MICU3: variants seen among roughly 807,000 people sequenced by gnomAD.
The protein encoded by MICU3 is calcium uptake protein 3, mitochondrial.
A neutral mutation model predicts 66.5 loss-of-function variants in MICU3; 62 were observed. That is an observed-to-expected ratio of 0.93 (90% CI 0.76 to 1.15). The LOEUF is 1.15. MICU3 is among the 50% of genes most tolerant of loss of function. The pLI, the probability that MICU3 is intolerant of heterozygous loss-of-function variation, is 0.00. For missense variants in MICU3, 779 were observed against 664.4 expected, an observed-to-expected ratio of 1.17 and a Z score of -1.90; for synonymous variants, 308 against 240.7, an observed-to-expected ratio of 1.28 and a Z score of -2.59.
At chr8:17,083,930 G>A (rs1356077177) in intron 5 of MICU3, among the ~76,000 whole-genome samples, 3 of 152,040 alleles carry the variant, frequency 2.0e-5, no homozygotes, top group Non-Finnish European at 4.4e-5. Flanking sequence ...TGTTGAGATG[G>A]GACAGGGTAT....
At chr8:17,068,009 G>C (rs1737192287) in intron 2 of MICU3, among the ~76,000 whole-genome samples, 1 of 152,000 alleles carries the variant, frequency 6.6e-6, no homozygotes, top group Non-Finnish European at 1.5e-5. Flanking sequence ...ACTAAAATCA[G>C]TAATTATTTT....
Position 17,054,647 on chromosome 8 carries a change from G to C in MICU3, c.382-9437G>C, listed in dbSNP as rs572110351. Among the ~76,000 whole-genome samples the C allele has an allele frequency of 3.0e-4, 45 of 151,942 alleles. 2 individuals carry two copies. The highest frequency in any genetic ancestry group is 1.0e-3 in the African/African-American group (43 of 41,482). ...TAATGTGGGTAGGTTTGTGGAGGCAGAGCAAAAACCATTTGTTTACCTTCA... is the reference window on the plus strand; with the variant it reads ...TAATGTGGGTAGGTTTGTGGAGGCACAGCAAAAACCATTTGTTTACCTTCA... On this transcript the variant is annotated intron_variant, in intron 1 of 14. Transcript: ENST00000318063.
chr8:17,101,928 A>G (rs1008373751), intron 9 of MICU3, among the ~76,000 whole-genome samples: 1 of 151,938 alleles, frequency 6.6e-6, no homozygotes, highest in African/African-American at 2.4e-5. Context: ...TTTACAGTAC[A>G]CTAGTCAGAG....
intron 1 of MICU3, among the ~76,000 whole-genome samples, chr8:17,044,057 G>A (rs904780187): frequency 6.6e-6 from 1 of 152,102 alleles, no homozygotes; most frequent in Non-Finnish European, 1.5e-5. Context: ...CATACTTAAG[G>A]TTCTTGCCTT....
At chr8:17,136,103 C>T in the MICU3 span, among the ~76,000 whole-genome samples, 1 of 152,020 alleles carries the variant, frequency 6.6e-6, no homozygotes, top group East Asian at 1.9e-4. Context: ...CAATCTCCAA[C>T]ACAACTCCTA....
At chr8:17,078,033 C>T (rs1326415909) in intron 4 of MICU3, among the ~76,000 whole-genome samples, 172 bp downstream of exon 4, 1 of 151,826 alleles carries the variant, frequency 6.6e-6, no homozygotes. Flanking sequence ...ATTAATGTTG[C>T]TCTTGGGTAA....
chr8:17,028,752 A>G (rs57869844), intron 1 of MICU3, among the ~76,000 whole-genome samples: 1 of 151,974 alleles, frequency 6.6e-6, no homozygotes, highest in South Asian at 2.1e-4. Context: ...ACACATGAAT[A>G]TTCAAAATAC....
intron 1 of MICU3, among the ~76,000 whole-genome samples, chr8:17,044,277 G>A (rs554812638): frequency 6.6e-6 from 1 of 152,296 alleles, no homozygotes; most frequent in African/African-American, 2.4e-5. Flanking sequence ...GGTAGTAGGA[G>A]GCTGTTGTTT....
At chr8:17,136,045 A>T in the MICU3 span, among the ~76,000 whole-genome samples, 1 of 152,132 alleles carries the variant, frequency 6.6e-6, no homozygotes, top group Non-Finnish European at 1.5e-5. Context: ...GTTATAGGAC[A>T]TAGTTGAGAT....
chr8:17,123,657 C>A (rs1232617686), downstream of MICU3, among the ~76,000 whole-genome samples: 1 of 152,000 alleles, frequency 6.6e-6, no homozygotes, highest in Non-Finnish European at 1.5e-5. Context: ...CACAGTTTTA[C>A]TTGTGGGACT....
rs559062762 is a variant in MICU3 at position 17,059,263 on chromosome 8, G to A, written c.382-4821G>A. ...TTTACGTTTCTATTCTGATGAAAAC[G>A]TGAAGAAACAAGAGGACCAAATGAT... is the stretch of plus-strand genomic sequence containing the variant. On this transcript the variant is annotated intron_variant, in intron 1 of 14. Transcript: ENST00000318063. Among the ~76,000 whole-genome samples, 16 of 152,210 alleles carry A rather than the reference G, an allele frequency of 1.1e-4. No homozygotes were observed. The South Asian group carries it at 2.9e-3, about 28-fold the overall frequency.
chr8:17,048,999 C>G (rs1028850393), intron 1 of MICU3, among the ~76,000 whole-genome samples: 3 of 152,246 alleles, frequency 2.0e-5, no homozygotes, highest in Middle Eastern at 6.8e-3. Context: ...TGCAAATAAA[C>G]AGTACACAGT....
intron 14 of MICU3, among the ~76,000 whole-genome samples, chr8:17,119,218 A>G (rs1028721493): frequency 2.6e-5 from 4 of 152,214 alleles, no homozygotes; most frequent in African/African-American, 9.6e-5. Flanking sequence ...ATAACTTGCT[A>G]GTCAGTGGAA....
chr8:17,121,073 T>C lies in MICU3; in HGVS notation c.*786T>C, dbSNP rs1048398436. The C allele has an allele frequency of 1.3e-5, 2 of 151,918 alleles. No homozygotes were observed. The highest frequency in any genetic ancestry group is 4.8e-5 in the African/African-American group (2 of 41,442). The allele number at this position is 151,918 out of a possible 1,614,324, so 9.4% of individuals were successfully genotyped here. A position where few individuals can be genotyped will look rare whatever the true frequency, so the allele number is the denominator to read the frequency against. On this transcript the variant is annotated 3_prime_UTR_variant, in exon 15 of 15. Coordinates refer to ENST00000318063, the MANE Select transcript of MICU3 (RefSeq NM_181723.3). The stretch of plus-strand genomic sequence containing the variant: ...GTTGTTGTAACAGTAATCATTGTCA[T>C]TGTCATTATCTTCTTAAACATGAAG...
intron 13 of MICU3, among the ~76,000 whole-genome samples, chr8:17,117,769 C>T (rs909272589): frequency 6.6e-6 from 1 of 151,936 alleles, no homozygotes; most frequent in Admixed American, 6.6e-5. Flanking sequence ...CAACCGTGCC[C>T]GGGTAATTTT....
chr8:17,058,777 G>T (rs1356105157), intron 1 of MICU3, among the ~76,000 whole-genome samples: 1 of 152,112 alleles, frequency 6.6e-6, no homozygotes, highest in Non-Finnish European at 1.5e-5. Context: ...GGTGTAGCTT[G>T]GTCAGAACTG....
intron 1 of MICU3, among the ~76,000 whole-genome samples, chr8:17,037,333 C>T (rs533406803): frequency 3.3e-5 from 5 of 152,180 alleles, no homozygotes; most frequent in South Asian, 2.1e-4. Flanking sequence ...GAGGAGGTGC[C>T]GAGAGCGAGC....
chr8:17,116,702 T>C (rs542828398), intron 13 of MICU3, 102 bp downstream of exon 13: 3 of 849,632 alleles, frequency 3.5e-6, no homozygotes, highest in South Asian at 2.0e-5. Flanking sequence ...CTTAAGGATA[T>C]AAACATGAAT....
At position 17,027,374 on chromosome 8, in the gene MICU3, C is replaced by A. The variant is rs1811165675; in HGVS notation, c.95C>A (p.Ala32Glu). 1.3e-6 allele frequency: 2 copies of A among 1,490,888 alleles called. No homozygotes were observed. Among genetic ancestry groups the A allele is most frequent in the Non-Finnish European group, 1.8e-6 (2 of 1,130,008 alleles). The allele number at this position is 1,490,888 out of a possible 1,614,324, so 92.4% of individuals were successfully genotyped here. A position where few individuals can be genotyped will look rare whatever the true frequency, so the allele number is the denominator to read the frequency against. The change falls in exon 1 of 15, where the codon GCG becomes GAG. Residue 32 changes from alanine (A) to glutamate (E), a missense_variant. Coordinates refer to ENST00000318063, the MANE Select transcript of MICU3 (RefSeq NM_181723.3). ...QPLLGPWGRPAVTTLGLPGRP... is the reference protein window; with the variant it reads ...QPLLGPWGRPEVTTLGLPGRP... ...CTCCTTGGGCCGTGGGGGCGGCCTG[C>A]GGTGACCACCCTGGGCCTTCCTGGC...
Sources: allele counts gnomAD v4.1 joint callset (sites outside exome capture counted in the v4.1 genomes callset), GRCh38; gene constraint gnomAD v4.1.1; transcripts MANE v1.5; gene names NCBI Gene and HGNC (gene_info 2026-07-23, HGNC 2026-07-21).